Variants in COQ8A observed in about 807,000 individuals in gnomAD.
COQ8A encodes the protein coenzyme Q8A.
A neutral mutation model predicts 65.0 loss-of-function variants in COQ8A; 51 were observed. The observed-to-expected ratio is 0.78, with a 90% confidence interval of 0.63 to 0.99. COQ8A has a LOEUF of 0.99. Among genes scored for constraint, COQ8A ranks in the 50% least tolerant of loss-of-function variants. COQ8A has a pLI of 0.00. For missense variants in COQ8A, 940 were observed against 875.0 expected, an observed-to-expected ratio of 1.07 and a Z score of -0.94; for synonymous variants, 371 against 353.2, an observed-to-expected ratio of 1.05 and a Z score of -0.57.
At chr1:226,983,507 C>A in intron 8 of COQ8A, 45 bp from the exon 9 acceptor site, 1 of 1,573,330 alleles carries the variant, frequency 6.4e-7, no homozygotes, top group Non-Finnish European at 8.7e-7. Flanking sequence ...CAGGGCCCAC[C>A]CGTCTCCCTG....
At chr1:226,962,451 C>T (rs533857280) in intron 2 of COQ8A, among the ~76,000 whole-genome samples, 1 of 152,356 alleles carries the variant, frequency 6.6e-6, no homozygotes, top group South Asian at 2.1e-4. Context: ...TCACCTTGCA[C>T]AGTTGCCAGC....
At chr1:226,976,657 C>T (rs925130872) in intron 4 of COQ8A, among the ~76,000 whole-genome samples, 2 of 152,178 alleles carry the variant, frequency 1.3e-5, no homozygotes, top group Non-Finnish European at 2.9e-5. Flanking sequence ...TTAGTGGCAC[C>T]TTCTGGGCTC....
chr1:226,954,053 G>C lies in COQ8A; in HGVS notation c.-9-7324G>C, dbSNP rs577174144. ...TGTTCATGCCCAAAGTGAAAAGACA[G>C]TTCCTGGCTGGGAGGGGGGCAGAAG... On this transcript the variant is annotated intron_variant, in intron 1 of 14. Coordinates refer to ENST00000366777, the MANE Select transcript of COQ8A (RefSeq NM_020247.5). Among the ~76,000 whole-genome samples, 116 of 152,376 alleles carry C rather than the reference G, an allele frequency of 7.6e-4. 2 individuals are homozygous for C. The highest frequency in any genetic ancestry group is 2.6e-3 in the African/African-American group (108 of 41,590).
chr1:226,946,403 G>A lies in COQ8A; in HGVS notation c.-10+6004G>A, dbSNP rs1041348098. ...TGGAAAACCTGTGTGGGTGTTGGGC[G>A]GGGCCGGGGGTCCATTCTGGCTGAA... On this transcript the variant is annotated intron_variant, in intron 1 of 14. Transcript: ENST00000366777. This position sits in a 1 kb window ranked among gnomAD's most constrained non-coding sequence, Gnocchi z 5.3. 1.1e-4 allele frequency among the ~76,000 whole-genome samples: 17 copies of A among 152,208 alleles called. No individual in the cohort carries two copies. The highest frequency in any genetic ancestry group is 7.2e-5 in the African/African-American group (3 of 41,444).
Position 226,965,683 on chromosome 1 carries a change from G to A in COQ8A, c.601G>A (p.Ala201Thr), listed in dbSNP as rs188599627. 1 of 1,614,064 alleles carries A rather than the reference G, an allele frequency of 6.2e-7. No individual in the cohort carries two copies. The highest frequency in any genetic ancestry group is 1.1e-5 in the South Asian group (1 of 91,088). The part of the protein sequence containing the change: ...KQHKQTLSEH[A>T]RERKVPVTRI... ...CGTCTCCCTCCAGCTCAGCGAGCAT[G>A]CCCGGGAGCGGAAGGTGCCTGTGAC... The change falls in exon 4 of 15, where the codon GCC becomes ACC. Residue 201 changes from alanine to threonine, a missense_variant. Transcript: ENST00000366777.
Position 226,984,541 on chromosome 1 carries a change from T to C in COQ8A, c.1399-7T>C, listed in dbSNP as rs1459361403. Reference sequence around the variant, plus strand: ...TGCCTGACACAGACCCTTCGCGCTGTCCACAGATCTGCTACAACATCCTGG... The same window carrying C: ...TGCCTGACACAGACCCTTCGCGCTGCCCACAGATCTGCTACAACATCCTGG... On this transcript the variant is annotated splice_region_variant and splice_polypyrimidine_tract_variant and intron_variant, in intron 11 of 14. Transcript: ENST00000366777. 5 of 1,609,784 alleles carry C rather than the reference T, an allele frequency of 3.1e-6. No homozygotes were observed. In the African/African-American group the frequency reaches 5.3e-5, roughly 17 times the overall value.
chr1:226,978,203 GCA>G lies in COQ8A; in HGVS notation c.730+684_730+685del, dbSNP rs1050961728. Among the ~76,000 whole-genome samples, 4 of 89,098 alleles carry G rather than the reference GCA, an allele frequency of 4.5e-5. No individual in the cohort carries two copies. In the South Asian group the frequency reaches 1.1e-3, roughly 23 times the overall value. 58.5% of individuals were successfully genotyped at this position (89,098 alleles called of 152,430 possible). A position where few individuals can be genotyped will look rare whatever the true frequency, so the allele number is the denominator to read the frequency against. Reference sequence around the variant, plus strand: ...TCCTCCACACACCCACCTCATACCTGCACACCTCCTTACACACCCTCTACACA... The same window carrying G: ...TCCTCCACACACCCACCTCATACCTGCACCTCCTTACACACCCTCTACACA... On this transcript the variant is annotated intron_variant, in intron 5 of 14. Transcript: ENST00000366777.
intron 1 of COQ8A, among the ~76,000 whole-genome samples, chr1:226,947,591 G>C (rs970349380): frequency 1.6e-4 from 25 of 152,148 alleles, no homozygotes; most frequent in African/African-American, 5.8e-4. Flanking sequence ...CAGATCACTT[G>C]AGGTCGGGGG....
chr1:226,981,366 G>C (rs1659676886), intron 5 of COQ8A, among the ~76,000 whole-genome samples: 2 of 152,176 alleles, frequency 1.3e-5, no homozygotes, highest in South Asian at 4.1e-4. Context: ...CCCTCCCCTT[G>C]GTGGACTGGA....
At chr1:226,952,789 A>T (rs1441692969) in intron 1 of COQ8A, among the ~76,000 whole-genome samples, 1 of 152,184 alleles carries the variant, frequency 6.6e-6, no homozygotes, top group Non-Finnish European at 1.5e-5. Context: ...GAAAATATAG[A>T]TACAGGTACA....
In COQ8A at chr1:226,972,988, G is replaced by A. The variant is rs1017652161; in HGVS notation, c.656-4461G>A. Among the ~76,000 whole-genome samples, 1 of 152,232 alleles carries A rather than the reference G, an allele frequency of 6.6e-6. No individual in the cohort carries two copies. Among genetic ancestry groups the A allele is most frequent in the Non-Finnish European group, 1.5e-5 (1 of 68,036 alleles). On this transcript the variant is annotated intron_variant, in intron 4 of 14. Coordinates refer to ENST00000366777, the MANE Select transcript of COQ8A (RefSeq NM_020247.5). The surrounding 1 kb of genome is among the most constrained non-coding windows in gnomAD (Gnocchi z 4.3). Reference sequence around the variant, plus strand: ...CCTGGCTGTGGCTTGCTGTGGCCTTGAGAGCCATCCCACAGCAGCAATGCT... The same window carrying A: ...CCTGGCTGTGGCTTGCTGTGGCCTTAAGAGCCATCCCACAGCAGCAATGCT...
Position 226,986,862 on chromosome 1 carries a change from G to A in COQ8A, c.*125G>A. Reference sequence around the variant, plus strand: ...TGCCCAATAAGGGGGGTGGCTGCCTGGAGCCCCGTAGCCAGCGCTTTCCAC... The same window carrying A: ...TGCCCAATAAGGGGGGTGGCTGCCTAGAGCCCCGTAGCCAGCGCTTTCCAC... On this transcript the variant is annotated 3_prime_UTR_variant, in exon 15 of 15. Coordinates refer to ENST00000366777, the MANE Select transcript of COQ8A (RefSeq NM_020247.5). 8.1e-7 allele frequency: 1 copy of A among 1,234,212 alleles called. No individual in the cohort carries two copies. Among genetic ancestry groups the A allele is most frequent in the Admixed American group, 2.0e-5 (1 of 49,174 alleles). 76.5% of individuals were successfully genotyped at this position (1,234,212 alleles called of 1,614,324 possible).
chr1:226,974,521 C>T (rs1167584384), intron 4 of COQ8A, among the ~76,000 whole-genome samples: 1 of 152,182 alleles, frequency 6.6e-6, no homozygotes, highest in Non-Finnish European at 1.5e-5. Context: ...CGGGGAGTGC[C>T]GGCTGAGGTG....
chr1:226,966,011 G>A (rs752607267), intron 4 of COQ8A, among the ~76,000 whole-genome samples: 2 of 152,260 alleles, frequency 1.3e-5, no homozygotes, highest in Non-Finnish European at 2.9e-5. Flanking sequence ...GGCAGGCCTC[G>A]CCTGGAGGCG....
At chr1:226,955,016 C>T (rs1657602121) in intron 1 of COQ8A, among the ~76,000 whole-genome samples, 1 of 152,082 alleles carries the variant, frequency 6.6e-6, no homozygotes, top group Admixed American at 6.5e-5. Context: ...AGGAGGAAGC[C>T]TCTCTGGTTC....
Position 226,946,499 on chromosome 1 carries a change from C to CT in COQ8A, c.-10+6102dup, listed in dbSNP as rs1272355387. 1.3e-5 allele frequency among the ~76,000 whole-genome samples: 2 copies of CT among 152,102 alleles called. No individual in the cohort carries two copies. Among genetic ancestry groups the CT allele is most frequent in the African/African-American group, 4.8e-5 (2 of 41,410 alleles). On this transcript the variant is annotated intron_variant, in intron 1 of 14. Transcript: ENST00000366777. The surrounding 1 kb of genome is among the most constrained non-coding windows in gnomAD (Gnocchi z 5.3). ...TGTCTGGGGCTCCACAGTGAAGGGC[C>CT]TTGCTGGCCAGGCCAGACCAGGGAG...
chr1:226,943,783 C>A (rs193126640), intron 1 of COQ8A, among the ~76,000 whole-genome samples: 1 of 152,188 alleles, frequency 6.6e-6, no homozygotes, highest in African/African-American at 2.4e-5. Flanking sequence ...AGTCACATAA[C>A]CCCTACCACA....
Position 226,972,179 on chromosome 1 carries a change from G to A in COQ8A, c.656-5270G>A, listed in dbSNP as rs990535119. ...GAGAAGACTTGCCAGAAGGAGTTGA[G>A]CACTGCTTTGTGCATAGCTCTGTGG... is the stretch of plus-strand genomic sequence containing the variant. On this transcript the variant is annotated intron_variant, in intron 4 of 14. Transcript: ENST00000366777. This position sits in a 1 kb window ranked among gnomAD's most constrained non-coding sequence, Gnocchi z 4.3. Among the ~76,000 whole-genome samples, 2 of 152,178 alleles carry A rather than the reference G, an allele frequency of 1.3e-5. No homozygotes were observed. The highest frequency in any genetic ancestry group is 1.3e-4 in the Admixed American group (2 of 15,276).
chr1:226,981,693 C>T (rs912793881), intron 5 of COQ8A, among the ~76,000 whole-genome samples: 4 of 152,336 alleles, frequency 2.6e-5, no homozygotes, highest in Admixed American at 6.5e-5. Flanking sequence ...CCCACTCCCA[C>T]GCCCCTTCCA....
Sources: gnomAD v4.1 joint callset for allele counts (sites outside exome capture counted in the v4.1 genomes callset) on GRCh38, gnomAD v4.1.1 for gene constraint, Gnocchi (gnomAD v3.1) non-coding constraint, MANE v1.5 for transcripts, NCBI Gene and HGNC (gene_info 2026-07-23, HGNC 2026-07-21) for gene names.